Variants in CD6 observed in about 807,000 individuals in gnomAD.
CD6 encodes CD6 molecule.
Under a neutral mutation model 75.3 loss-of-function variants are expected in CD6, and 53 were observed. The ratio of observed to expected loss-of-function variants is 0.70; its 90% CI spans 0.56 to 0.88. The LOEUF is 0.88. Among genes scored for constraint, CD6 ranks in the 40% least tolerant of loss-of-function variants. CD6 has a pLI of 0.00. For synonymous variants in CD6, 359 were observed against 381.5 expected, an observed-to-expected ratio of 0.94 and a Z score of 0.69; for missense variants, 770 against 897.1, an observed-to-expected ratio of 0.86 and a Z score of 1.81.
At chr11:60,990,914 T>G (rs1401947912) in intron 1 of CD6, among the ~76,000 whole-genome samples, 1 of 151,984 alleles carries the variant, frequency 6.6e-6, no homozygotes, top group Non-Finnish European at 1.5e-5. Flanking sequence ...CAGCCTATGA[T>G]ACAATACAGT....
At chr11:60,978,578 A>C (rs1048891142) in intron 1 of CD6, among the ~76,000 whole-genome samples, 2 of 152,158 alleles carry the variant, frequency 1.3e-5, no homozygotes, top group Non-Finnish European at 2.9e-5. Context: ...ATTGAACACT[A>C]AGGACCCAGC....
intron 4 of CD6, among the ~76,000 whole-genome samples, chr11:61,009,252 G>C (rs538634237): frequency 1.3e-5 from 2 of 152,286 alleles, no homozygotes; most frequent in South Asian, 4.1e-4. Flanking sequence ...GCCTCTCTTT[G>C]ATAAGCAGGA....
intron 1 of CD6, among the ~76,000 whole-genome samples, chr11:60,985,972 G>A (rs928948449): frequency 2.6e-5 from 4 of 152,150 alleles, no homozygotes; most frequent in Non-Finnish European, 5.9e-5. Flanking sequence ...CCTGATTTGA[G>A]AAGCATTTTG....
intron 8 of CD6, among the ~76,000 whole-genome samples, chr11:61,014,793 C>A (rs149582153): frequency 1.1e-4 from 16 of 151,864 alleles, no homozygotes; most frequent in African/African-American, 3.6e-4. Context: ...TGGATTTATA[C>A]CTCTTGCAGA....
chr11:60,984,021 C>T (rs1484651905), intron 1 of CD6, among the ~76,000 whole-genome samples: 1 of 151,916 alleles, frequency 6.6e-6, no homozygotes, highest in African/African-American at 2.4e-5. Context: ...TGAATCATAT[C>T]AGGAGGCACA....
In CD6 at chr11:61,006,627, G is replaced by A; in HGVS notation, c.103G>A (p.Glu35Lys). Residue 35 changes from glutamate to lysine, a missense_variant, in exon 2 of 13, where the codon GAG becomes AAG. Transcript: ENST00000313421. Reference sequence around the variant, plus strand: ...GCTCAACACCAGCAGTGCAGAGAGTGAGCTCTGGGAGCCAGGTGAGCAAAC... The same window carrying A: ...GCTCAACACCAGCAGTGCAGAGAGTAAGCTCTGGGAGCCAGGTGAGCAAAC... ...DQLNTSSAES[E>K]LWEPGERLPV... 6.2e-7 allele frequency: 1 copy of A among 1,609,472 alleles called. No homozygotes were observed. Among genetic ancestry groups the A allele is most frequent in the Non-Finnish European group, 8.5e-7 (1 of 1,178,008 alleles).
At chr11:60,983,633 GT>G (rs1346498599) in intron 1 of CD6, among the ~76,000 whole-genome samples, 229 of 141,844 alleles carry the variant, frequency 1.6e-3, no homozygotes, top group Middle Eastern at 7.1e-3. Flanking sequence ...TTTTGTTGTT[GT>G]TTTTTTTTTT....
At chr11:61,013,074 T>A (rs1859221910) in intron 6 of CD6, among the ~76,000 whole-genome samples, 1 of 152,200 alleles carries the variant, frequency 6.6e-6, no homozygotes, top group South Asian at 2.1e-4. Context: ...TTGTCTTATG[T>A]GTAGCCCCAG....
chr11:61,005,372 A>G (rs1376402081), intron 1 of CD6, among the ~76,000 whole-genome samples: 1 of 152,154 alleles, frequency 6.6e-6, no homozygotes, highest in Non-Finnish European at 1.5e-5. Context: ...AGGGGGGGCC[A>G]GAGGAATAAG....
intron 6 of CD6, among the ~76,000 whole-genome samples, chr11:61,011,493 C>T (rs1859152280): frequency 6.6e-6 from 1 of 152,140 alleles, no homozygotes; most frequent in Non-Finnish European, 1.5e-5. Context: ...GATCTTGGCC[C>T]AGCTGGGTAG....
chr11:61,002,365 C>T (rs1858624644), intron 1 of CD6, among the ~76,000 whole-genome samples: 1 of 152,076 alleles, frequency 6.6e-6, no homozygotes, highest in Non-Finnish European at 1.5e-5. Flanking sequence ...CCCAACCTGG[C>T]CAACATGGAG....
At chr11:60,989,847 T>G (rs1391435336) in intron 1 of CD6, among the ~76,000 whole-genome samples, 1 of 152,158 alleles carries the variant, frequency 6.6e-6, no homozygotes, top group Non-Finnish European at 1.5e-5. Flanking sequence ...ATAATAACAG[T>G]GCTTACTTCT....
intron 1 of CD6, among the ~76,000 whole-genome samples, chr11:60,982,969 C>G (rs1857638553): frequency 6.6e-6 from 1 of 152,058 alleles, no homozygotes; most frequent in Non-Finnish European, 1.5e-5. Context: ...CCAGTGTGGC[C>G]TGACATGGTC....
At chr11:60,994,611 G>A (rs1270624193) in intron 1 of CD6, among the ~76,000 whole-genome samples, 2 of 152,036 alleles carry the variant, frequency 1.3e-5, no homozygotes, top group Non-Finnish European at 2.9e-5. Flanking sequence ...TGGGGAGTGT[G>A]AAAACAAACC....
intron 1 of CD6, among the ~76,000 whole-genome samples, chr11:60,988,611 T>C (rs995349518): frequency 2.0e-5 from 3 of 152,218 alleles, no homozygotes; most frequent in African/African-American, 7.2e-5. Flanking sequence ...CAGCCCAGCC[T>C]ACACTCCCAC....
intron 1 of CD6, among the ~76,000 whole-genome samples, chr11:61,005,559 C>T (rs1352475759): frequency 6.6e-6 from 1 of 152,236 alleles, no homozygotes; most frequent in Non-Finnish European, 1.5e-5. Flanking sequence ...GCAGGGACAA[C>T]TGATTTTTGC....
intron 1 of CD6, among the ~76,000 whole-genome samples, chr11:60,999,699 G>A (rs765615327): frequency 2.6e-5 from 4 of 151,808 alleles, no homozygotes; most frequent in African/African-American, 4.8e-5. Flanking sequence ...AGTTGTCTCC[G>A]GTTTGAATTT....
chr11:61,008,934 G>A, intron 4 of CD6, 89 bp downstream of exon 4: 1 of 1,158,114 alleles, frequency 8.6e-7, no homozygotes, highest in Non-Finnish European at 1.2e-6. Context: ...TGCCGGAGAG[G>A]TGGTCCCTGC....
rs1859052618 is a variant in CD6 at position 61,009,654 on chromosome 11, A to G, written c.864A>G (p.Thr288=). 1.2e-6 allele frequency: 2 copies of G among 1,613,992 alleles called. No individual in the cohort carries two copies. The highest frequency in any genetic ancestry group is 4.5e-5 in the East Asian group (2 of 44,886). ...VEVHFRGVWN[T]VCDSEWYPSE... ...TACACTTCCGAGGGGTCTGGAACAC[A>G]GTGTGTGACAGTGAGTGGTACCCAT... Residue 288 remains threonine, a synonymous_variant, in exon 5 of 13, where the codon ACA becomes ACG. Transcript: ENST00000313421.
Sources: allele counts gnomAD v4.1 joint callset (sites outside exome capture counted in the v4.1 genomes callset), GRCh38; gene constraint gnomAD v4.1.1; transcripts MANE v1.5; gene names NCBI Gene and HGNC (gene_info 2026-07-23, HGNC 2026-07-21).